The following ARB2A variants were observed in gnomAD, a reference collection of about 807,000 sequenced individuals.
ARB2A encodes the protein cotranscriptional regulator ARB2A.
At chr5:93,793,185 G>A in the ARB2A span, among the ~76,000 whole-genome samples, 12 of 147,190 alleles carry the variant, frequency 8.2e-5, no homozygotes, top group African/African-American at 2.5e-4. Flanking sequence ...TGAACCTCTC[G>A]CCTCAACCTA....
chr5:93,988,438 T>G, the ARB2A span, among the ~76,000 whole-genome samples: 7 of 152,312 alleles, frequency 4.6e-5, no homozygotes, highest in Non-Finnish European at 8.8e-5. Flanking sequence ...ACCCAGAACC[T>G]TGGCAAATGA....
At chr5:93,947,687 C>A in the ARB2A span, among the ~76,000 whole-genome samples, 1 of 116,206 alleles carries the variant, frequency 8.6e-6, no homozygotes, top group Admixed American at 1.1e-4. Flanking sequence ...CCACAACAGT[C>A]CCCAGAGTGC....
chr5:93,722,913 T>TAG, the ARB2A span, among the ~76,000 whole-genome samples: 1 of 152,282 alleles, frequency 6.6e-6, no homozygotes, highest in South Asian at 2.1e-4. Context: ...GCGTTCCTCT[T>TAG]ACAATACATG....
chr5:94,029,668 T>C, the ARB2A span, among the ~76,000 whole-genome samples: 2 of 152,104 alleles, frequency 1.3e-5, no homozygotes, highest in Non-Finnish European at 2.9e-5. Context: ...TTGTAACAGC[T>C]AAATCTCTGT....
At chr5:93,620,865 A>T in the ARB2A span, 3 of 1,370,692 alleles carry the variant, frequency 2.2e-6, no homozygotes, top group Non-Finnish European at 2.0e-6. Flanking sequence ...TGTATATATC[A>T]CGACCCTGGG....
chr5:94,040,095 C>T, the ARB2A span, among the ~76,000 whole-genome samples: 2 of 152,122 alleles, frequency 1.3e-5, no homozygotes, highest in Non-Finnish European at 2.9e-5. Context: ...GTTAGAGTCT[C>T]TTCTAAGACT....
chr5:94,079,170 G>A, the ARB2A span, among the ~76,000 whole-genome samples: 1 of 152,058 alleles, frequency 6.6e-6, no homozygotes, highest in African/African-American at 2.4e-5. Context: ...CTTAATTTTT[G>A]GACATAAGTT....
chr5:93,819,339 A>G, the ARB2A span, among the ~76,000 whole-genome samples: 1 of 152,186 alleles, frequency 6.6e-6, no homozygotes, highest in Non-Finnish European at 1.5e-5. Flanking sequence ...TTTCTAGATC[A>G]TTTGGGCAAA....
At chr5:94,028,127 A>C in the ARB2A span, among the ~76,000 whole-genome samples, 110 of 152,338 alleles carry the variant, frequency 7.2e-4, no homozygotes, top group Non-Finnish European at 1.4e-3. Context: ...TTTTATTGCA[A>C]GCTGTAAGCA....
At chr5:93,990,357 G>C in the ARB2A span, among the ~76,000 whole-genome samples, 2 of 151,890 alleles carry the variant, frequency 1.3e-5, no homozygotes, top group East Asian at 3.9e-4. Flanking sequence ...TCTCTACAAT[G>C]ATAGCAGAAG....
the ARB2A span, among the ~76,000 whole-genome samples, chr5:93,836,716 A>T: frequency 2.0e-5 from 3 of 152,134 alleles, no homozygotes; most frequent in Non-Finnish European, 4.4e-5. Flanking sequence ...TGTATACTGG[A>T]TGCATAAAAG....
chr5:93,853,566 C>T, the ARB2A span, among the ~76,000 whole-genome samples: 1 of 152,012 alleles, frequency 6.6e-6, no homozygotes, highest in Non-Finnish European at 1.5e-5. Flanking sequence ...CCAGTTTTTG[C>T]CCATTCAGTA....
At chr5:93,802,181 T>C in the ARB2A span, among the ~76,000 whole-genome samples, 1 of 152,084 alleles carries the variant, frequency 6.6e-6, no homozygotes, top group Non-Finnish European at 1.5e-5. Context: ...ATAAATCTTA[T>C]AAGAAAATTT....
chr5:93,658,825 G>C, the ARB2A span, among the ~76,000 whole-genome samples: 1 of 151,750 alleles, frequency 6.6e-6, no homozygotes, highest in East Asian at 1.9e-4. Context: ...TAGGCTGATG[G>C]CCAATTATCT....
At chr5:93,764,670 A>G in the ARB2A span, among the ~76,000 whole-genome samples, 1 of 152,238 alleles carries the variant, frequency 6.6e-6, no homozygotes, top group African/African-American at 2.4e-5. Flanking sequence ...ATAGAAAAAG[A>G]GGGAATCCTC....
chr5:93,735,115 C>T, the ARB2A span: 1 of 152,284 alleles, frequency 6.6e-6, no homozygotes, highest in South Asian at 2.1e-4. Flanking sequence ...ACATTGTTAA[C>T]TACTTAACAA....
At chr5:93,810,755 T>C in the ARB2A span, among the ~76,000 whole-genome samples, 4 of 152,172 alleles carry the variant, frequency 2.6e-5, no homozygotes, top group Admixed American at 2.6e-4. Flanking sequence ...CCTAATCTAG[T>C]GCTCTTTTTT....
At chr5:94,017,367 T>C in the ARB2A span, among the ~76,000 whole-genome samples, 12 of 152,306 alleles carry the variant, frequency 7.9e-5, no homozygotes, top group South Asian at 1.2e-3. Flanking sequence ...GTGCTGTGTT[T>C]CCAAACATTT....
At chr5:93,656,537 C>A in the ARB2A span, among the ~76,000 whole-genome samples, 1 of 152,098 alleles carries the variant, frequency 6.6e-6, no homozygotes. Flanking sequence ...TATCTCTATT[C>A]CATGGAAATA....
Sources: allele counts gnomAD v4.1 joint callset (sites outside exome capture counted in the v4.1 genomes callset), GRCh38; gene constraint gnomAD v4.1.1; transcripts MANE v1.5; gene names NCBI Gene and HGNC (gene_info 2026-07-23, HGNC 2026-07-21).